EZR: variants seen among roughly 807,000 people sequenced by gnomAD.
The protein encoded by EZR is ezrin.
EZR carries 40 observed loss-of-function variants against 74.8 expected under a neutral mutation model. That is an observed-to-expected ratio of 0.53 (90% CI 0.42 to 0.70). The LOEUF is 0.70. Ranked by LOEUF, EZR falls within the 30% of genes least tolerant of loss-of-function variation. The pLI is 0.00. For synonymous variants in EZR, 341 were observed against 283.3 expected (o/e 1.20, Z -2.05); for missense variants, 678 against 755.8 (o/e 0.90, Z 1.21).
intron 2 of EZR, among the ~76,000 whole-genome samples, chr6:158,792,814 C>CAAAAAA (rs571823556): frequency 3.0e-5 from 4 of 131,276 alleles, no homozygotes; most frequent in African/African-American, 8.6e-5. Flanking sequence ...GACTCCATCT[C>CAAAAAA]AAAAAAAAAA....
intron 2 of EZR, among the ~76,000 whole-genome samples, chr6:158,807,255 C>CG (rs527420310): frequency 8.5e-4 from 127 of 149,588 alleles, no homozygotes; most frequent in African/African-American, 2.8e-3. Flanking sequence ...GTGGAGCTTG[C>CG]GGTGAGTCCA....
chr6:158,799,009 T>C (rs1777135867), intron 2 of EZR, among the ~76,000 whole-genome samples: 1 of 152,178 alleles, frequency 6.6e-6, no homozygotes, highest in African/African-American at 2.4e-5. Flanking sequence ...CCCTTTCTAT[T>C]TTAGACTTTC....
rs1421240271 is a variant in EZR, at chr6:158,766,235, T to C, written c.*679A>G. On this transcript the variant is annotated 3_prime_UTR_variant, in exon 14 of 14. Transcript: ENST00000367075. ...ACAAATCTGTATTATCACTTGTATA[T>C]AAATAGTATATAGCTGATCATTAAT... 1 of 150,472 alleles carries C rather than the reference T, an allele frequency of 6.6e-6. No homozygotes were observed. Among genetic ancestry groups the C allele is most frequent in the Non-Finnish European group, 1.5e-5 (1 of 67,860 alleles). The allele number at this position is 150,472 out of a possible 1,614,324, so 9.3% of individuals were successfully genotyped here.
intron 1 of EZR, among the ~76,000 whole-genome samples, chr6:158,818,516 A>C: frequency 2.0e-5 from 1 of 50,744 alleles, no homozygotes; most frequent in Non-Finnish European, 3.8e-5. Context: ...CGGGAGAGAG[A>C]GGGCAGGGGG....
intron 2 of EZR, among the ~76,000 whole-genome samples, chr6:158,801,936 C>T (rs1274678431): frequency 2.0e-5 from 3 of 152,168 alleles, no homozygotes; most frequent in African/African-American, 4.8e-5. Context: ...CTGTGCGTTG[C>T]GACAGCTGTT....
At chr6:158,812,689 C>T (rs1052255959) in intron 2 of EZR, among the ~76,000 whole-genome samples, 1 of 152,120 alleles carries the variant, frequency 6.6e-6, no homozygotes, top group African/African-American at 2.4e-5. Context: ...TTTTCATCAA[C>T]GATTGTCACA....
chr6:158,816,496 T>A (rs1777557147), intron 2 of EZR, among the ~76,000 whole-genome samples: 1 of 152,212 alleles, frequency 6.6e-6, no homozygotes, highest in Non-Finnish European at 1.5e-5. Flanking sequence ...AAGGGTAATC[T>A]TCTTGACCAC....
At chr6:158,767,745 A>G (rs1790944131) in intron 12 of EZR, among the ~76,000 whole-genome samples, 1 of 151,876 alleles carries the variant, frequency 6.6e-6, no homozygotes. Flanking sequence ...TAAAACTACC[A>G]TTTCTTTTTT....
intron 2 of EZR, among the ~76,000 whole-genome samples, chr6:158,792,849 G>T (rs1054780604): frequency 1.3e-5 from 2 of 148,468 alleles, no homozygotes; most frequent in Non-Finnish European, 3.0e-5. Context: ...GAGAAGTTCT[G>T]CATGAGTCAA....
At chr6:158,793,984 A>G (rs1012597832) in intron 2 of EZR, among the ~76,000 whole-genome samples, 1 of 152,306 alleles carries the variant, frequency 6.6e-6, no homozygotes, top group South Asian at 2.1e-4. Context: ...GGGAAAAAAA[A>G]CAGACTTTGG....
chr6:158,770,865 C>CT lies in EZR; in HGVS notation c.988dup (p.Arg330LysfsTer26). On this transcript the variant is annotated frameshift_variant, in exon 10 of 14. Transcript: ENST00000367075. LOFTEE classifies it high-confidence loss of function. ...CTCTTTCTCTCTCTCCACGGTTTCT[C>CT]TCCTTTTCTTCTCTGTTTCCAGCTG... The CT allele has an allele frequency of 6.2e-7, 1 of 1,614,244 alleles. No homozygotes were observed. The highest frequency in any genetic ancestry group is 8.5e-7 in the Non-Finnish European group (1 of 1,180,044).
chr6:158,812,033 C>T (rs538952841), intron 2 of EZR, among the ~76,000 whole-genome samples: 3 of 139,506 alleles, frequency 2.2e-5, no homozygotes, highest in Non-Finnish European at 4.8e-5. Context: ...ATGTGAGAGA[C>T]CACTGGGCAC....
rs1450399719 is a variant in EZR at position 158,785,500 on chromosome 6, C to G, written c.276G>C (p.Glu92Asp). 1 of 1,614,066 alleles carries G rather than the reference C, an allele frequency of 6.2e-7. No individual in the cohort carries two copies. The highest frequency in any genetic ancestry group is 1.3e-5 in the African/African-American group (1 of 74,928). The change falls in exon 5 of 14, where the codon GAG (glutamate) becomes GAC (aspartate). Residue 92 changes from glutamate (E) to aspartate (D), a missense_variant. Glu to Asp is a conservative substitution (Grantham distance 45). Coordinates refer to ENST00000367075, the MANE Select transcript of EZR (RefSeq NM_001111077.2). ...AKFYPEDVAEELIQDITQKLF... is the reference protein window; with the variant it reads ...AKFYPEDVAEDLIQDITQKLF... ...GTTTCTGGGTGATGTCCTGGATGAG[C>G]TCCTCAGCCACATCTTCAGGGTAGA...
At position 158,773,336 on chromosome 6, in the gene EZR, G is replaced by A. The variant is rs561457448; in HGVS notation, c.796-1929C>T. Among the ~76,000 whole-genome samples the A allele has an allele frequency of 3.9e-5, 6 of 152,320 alleles. 1 individual carries two copies. The highest frequency in any genetic ancestry group is 1.4e-4 in the African/African-American group (6 of 41,574). Reference sequence around the variant, plus strand: ...CACTGCCAGTGGGTGAGGGAGGATGGTGCCTGGCAGGAAATCTCTCCCAGT... The same window carrying A: ...CACTGCCAGTGGGTGAGGGAGGATGATGCCTGGCAGGAAATCTCTCCCAGT... On this transcript the variant is annotated intron_variant, in intron 8 of 13. Transcript: ENST00000367075.
intron 5 of EZR, among the ~76,000 whole-genome samples, chr6:158,785,065 G>C (rs755574833): frequency 6.6e-6 from 1 of 152,220 alleles, no homozygotes; most frequent in Non-Finnish European, 1.5e-5. Flanking sequence ...GAGCAGTCAG[G>C]TCGAGAAGTT....
At chr6:158,816,409 G>C (rs972513137) in intron 2 of EZR, among the ~76,000 whole-genome samples, 2 of 152,180 alleles carry the variant, frequency 1.3e-5, no homozygotes, top group African/African-American at 2.4e-5. Context: ...CGGAGAACAG[G>C]TTAACTTTTT....
intron 2 of EZR, among the ~76,000 whole-genome samples, chr6:158,790,930 C>T (rs1791725362): frequency 6.6e-6 from 1 of 152,134 alleles, no homozygotes; most frequent in Admixed American, 6.5e-5. Context: ...GATACCTATC[C>T]CGGATTCTTC....
At chr6:158,774,289 G>A (rs2128567155) in intron 8 of EZR, among the ~76,000 whole-genome samples, 1 of 152,276 alleles carries the variant, frequency 6.6e-6, no homozygotes, top group Non-Finnish European at 1.5e-5. Flanking sequence ...CCCACTCAAG[G>A]CAAATGCTGC....
chr6:158,771,597 G>C (rs560825968), intron 8 of EZR, among the ~76,000 whole-genome samples, 190 bp from the exon 9 acceptor site: 1 of 152,290 alleles, frequency 6.6e-6, no homozygotes, highest in South Asian at 2.1e-4. Context: ...GCGTGTGTGT[G>C]CGGTTATGTG....
Sources: gnomAD v4.1 joint callset for allele counts (sites outside exome capture counted in the v4.1 genomes callset) on GRCh38, gnomAD v4.1.1 for gene constraint, MANE v1.5 for transcripts, NCBI Gene and HGNC (gene_info 2026-07-23, HGNC 2026-07-21) for gene names.